PRIM2: variants seen among roughly 807,000 people sequenced by gnomAD.
PRIM2 encodes DNA primase large subunit.
PRIM2 carries 39 observed loss-of-function variants against 67.3 expected under a neutral mutation model. The ratio of observed to expected loss-of-function variants is 0.58; its 90% confidence interval spans 0.45 to 0.76. PRIM2 has a LOEUF of 0.76. PRIM2 is among the 30% of genes least tolerant of loss of function. PRIM2 has a pLI of 0.00. For missense variants in PRIM2, 398 were observed against 598.7 expected (o/e 0.66, Z 3.50); for synonymous variants, 143 against 198.7 (o/e 0.72, Z 2.36).
intron 9 of PRIM2, among the ~76,000 whole-genome samples, chr6:57,534,857 T>A (rs1774968542): frequency 1.3e-5 from 2 of 152,208 alleles, no homozygotes; most frequent in Non-Finnish European, 2.9e-5. Flanking sequence ...TTACTTTGTC[T>A]TACTTGAAAT....
intron 12 of PRIM2, among the ~76,000 whole-genome samples, chr6:57,624,663 A>G (rs1238183875): frequency 3.3e-5 from 5 of 152,206 alleles, no homozygotes; most frequent in African/African-American, 1.2e-4. Flanking sequence ...TTCATTCAAC[A>G]TCAACAGATA....
chr6:57,394,716 G>C (rs1770463116), intron 7 of PRIM2, among the ~76,000 whole-genome samples: 1 of 152,150 alleles, frequency 6.6e-6, no homozygotes, highest in South Asian at 2.1e-4. Flanking sequence ...GGAGTGGTGA[G>C]AGTGGGCATC....
At chr6:57,390,612 G>T (rs1770308095) in intron 7 of PRIM2, among the ~76,000 whole-genome samples, 1 of 152,048 alleles carries the variant, frequency 6.6e-6, no homozygotes, top group Non-Finnish European at 1.5e-5. Flanking sequence ...TCATCATTTA[G>T]CTCTCACTAA....
intron 12 of PRIM2, among the ~76,000 whole-genome samples, chr6:57,609,434 A>G (rs1304844859): frequency 6.6e-5 from 10 of 152,230 alleles, no homozygotes; most frequent in Admixed American, 5.9e-4. Flanking sequence ...AGAAAAGGTT[A>G]GAAACTACCA....
Position 57,637,345 on chromosome 6 carries a change from C to T in PRIM2, c.1299+5144C>T, listed in dbSNP as rs1414616778. Among the ~76,000 whole-genome samples the T allele has an allele frequency of 2.0e-5, 3 of 152,218 alleles. No homozygotes were observed. In the South Asian group the frequency reaches 6.2e-4, roughly 32 times the overall value. ...GAAAATTCCAAAAATCAGAATATCT[C>T]TTCTCCTCCAAAGGATCACAACTCC... is the stretch of plus-strand genomic sequence containing the variant. On this transcript the variant is annotated intron_variant, in intron 13 of 13. Transcript: ENST00000615550.
chr6:57,465,289 T>A (rs1259772868), intron 7 of PRIM2, among the ~76,000 whole-genome samples: 1 of 152,138 alleles, frequency 6.6e-6, no homozygotes, highest in Non-Finnish European at 1.5e-5. Context: ...GGGCGTATGA[T>A]GCATTTGCCC....
intron 13 of PRIM2, among the ~76,000 whole-genome samples, chr6:57,637,912 A>G (rs1777153062): frequency 6.6e-6 from 1 of 152,140 alleles, no homozygotes; most frequent in Non-Finnish European, 1.5e-5. Context: ...CCACAAAGAT[A>G]CTCCTCAAGA....
the PRIM2 span, among the ~76,000 whole-genome samples, chr6:57,223,747 G>A: frequency 3.0e-4 from 45 of 152,266 alleles, no homozygotes; most frequent in Admixed American, 2.5e-3. Context: ...TGAGGGAAAT[G>A]CAACTCAAAA....
the PRIM2 span, among the ~76,000 whole-genome samples, chr6:57,246,238 T>G: frequency 6.6e-6 from 1 of 152,240 alleles, no homozygotes; most frequent in Admixed American, 6.5e-5. Flanking sequence ...GTTTCCTTGG[T>G]CTATGTTTCA....
the PRIM2 span, chr6:57,222,030 C>T: frequency 6.6e-6 from 1 of 152,384 alleles, no homozygotes; most frequent in African/African-American, 2.4e-5. Context: ...CACCGTCCCC[C>T]ACCGGCCGCG....
intron 10 of PRIM2, among the ~76,000 whole-genome samples, chr6:57,545,967 T>C (rs1307724332): frequency 9.2e-5 from 14 of 152,068 alleles, no homozygotes; most frequent in African/African-American, 2.9e-4. Flanking sequence ...TAAAGATAGA[T>C]TGAATTAGTA....
intron 5 of PRIM2, among the ~76,000 whole-genome samples, chr6:57,335,189 C>G (rs551561931): frequency 6.9e-6 from 1 of 143,992 alleles, no homozygotes; most frequent in Admixed American, 6.9e-5. Flanking sequence ...GATTATATCC[C>G]GCACCTGGCT....
the PRIM2 span, among the ~76,000 whole-genome samples, chr6:57,262,351 C>T: frequency 1.5e-4 from 23 of 152,066 alleles, no homozygotes; most frequent in Non-Finnish European, 2.6e-4. Context: ...TTATTTATGG[C>T]GTAAATCCCC....
At chr6:57,322,215 A>G (rs1767684434) in intron 3 of PRIM2, among the ~76,000 whole-genome samples, 1 of 152,238 alleles carries the variant, frequency 6.6e-6, no homozygotes, top group Non-Finnish European at 1.5e-5. Context: ...AAACATGTTT[A>G]TAAGCTGAGC....
intron 5 of PRIM2, among the ~76,000 whole-genome samples, chr6:57,363,652 A>G (rs1769263955): frequency 6.6e-6 from 1 of 152,170 alleles, no homozygotes; most frequent in South Asian, 2.1e-4. Flanking sequence ...AAGGTAAGAC[A>G]GCCACCCTGC....
At chr6:57,448,719 G>A (rs930001326) in intron 7 of PRIM2, among the ~76,000 whole-genome samples, 6 of 152,112 alleles carry the variant, frequency 3.9e-5, no homozygotes, top group Admixed American at 2.0e-4. Context: ...TTTGGAGTTG[G>A]CAGAAAGGAA....
intron 7 of PRIM2, among the ~76,000 whole-genome samples, chr6:57,462,947 C>G (rs1773056452): frequency 1.3e-5 from 2 of 152,174 alleles, no homozygotes; most frequent in Admixed American, 1.3e-4. Flanking sequence ...CTGCTACGTG[C>G]TACTCTTTAG....
intron 5 of PRIM2, among the ~76,000 whole-genome samples, chr6:57,338,642 C>G (rs574545758): frequency 6.7e-6 from 1 of 149,320 alleles, no homozygotes; most frequent in East Asian, 1.9e-4. Context: ...AGGCCTTTGA[C>G]AAAATTCAAC....
At chr6:57,390,048 A>G (rs544936081) in intron 7 of PRIM2, 2 of 154,940 alleles carry the variant, frequency 1.3e-5, no homozygotes, top group South Asian at 2.0e-4. Context: ...CACTTCCACC[A>G]TTACTGTCAG....
Sources: allele counts gnomAD v4.1 joint callset (sites outside exome capture counted in the v4.1 genomes callset), GRCh38; gene constraint gnomAD v4.1.1; transcripts MANE v1.5; gene names NCBI Gene and HGNC (gene_info 2026-07-23, HGNC 2026-07-21).